Variants in SLC26A4 observed in about 807,000 individuals in gnomAD.
SLC26A4 encodes the protein pendrin.
SLC26A4 carries 93 observed loss-of-function variants against 90.4 expected under a neutral mutation model. The observed-to-expected ratio is 1.03, with a 90% CI of 0.87 to 1.22. The LOEUF (loss-of-function observed/expected upper bound fraction) is 1.22, where lower values mean the gene tolerates loss of function less well. SLC26A4 is among the 50% of genes most tolerant of loss of function. The pLI is 0.00. For synonymous variants in SLC26A4, 393 were observed against 354.6 expected (o/e 1.11, Z -1.22); for missense variants, 1,127 against 946.2 (o/e 1.19, Z -2.51).
At chr7:107,670,909 T>C (rs1790848233) in intron 3 of SLC26A4, among the ~76,000 whole-genome samples, 1 of 152,148 alleles carries the variant, frequency 6.6e-6, no homozygotes, top group African/African-American at 2.4e-5. Flanking sequence ...TAGCCAGGCA[T>C]TAATGGGTCT....
Position 107,703,177 on chromosome 7 carries a change from T to C in SLC26A4, c.2034+1120T>C, listed in dbSNP as rs575038076. On this transcript the variant is annotated intron_variant, in intron 17 of 20. Coordinates refer to ENST00000644269, the MANE Select transcript of SLC26A4 (RefSeq NM_000441.2). ...CATTAAGTCATCTTATAAATAACAA[T>C]TGTAGTAAGTGCTCCAAAGAAGATG... Among the ~76,000 whole-genome samples the C allele has an allele frequency of 2.0e-5, 3 of 152,298 alleles. No homozygotes were observed. In the South Asian group the frequency reaches 6.2e-4, roughly 32 times the overall value.
chr7:107,689,125 G>A lies in SLC26A4; in HGVS notation c.1074G>A (p.Val358=). The A allele has an allele frequency of 6.2e-7, 1 of 1,613,820 alleles. No individual in the cohort carries two copies. Among genetic ancestry groups the A allele is most frequent in the Non-Finnish European group, 8.5e-7 (1 of 1,179,800 alleles). The change falls in exon 9 of 21, where the codon GTG becomes GTA. Residue 358 remains valine, a synonymous_variant. Transcript: ENST00000644269. ...TGGCTGCATCATTTTCCATCGCTGT[G>A]GTGGCTTATGCTATTGCAGTGTCAG... is the stretch of plus-strand genomic sequence containing the variant. ...EMLAASFSIA[V]VAYAIAVSVG...
intron 18 of SLC26A4, among the ~76,000 whole-genome samples, chr7:107,707,863 A>G (rs1419768162): frequency 3.3e-5 from 5 of 152,212 alleles, no homozygotes; most frequent in African/African-American, 1.2e-4. Flanking sequence ...AAGGTCAAAA[A>G]GACTTAATTT....
chr7:107,701,708 A>G, intron 16 of SLC26A4, 119 bp from the exon 17 acceptor site: 1 of 738,924 alleles, frequency 1.4e-6, no homozygotes, highest in East Asian at 2.7e-5. Flanking sequence ...TTAAAAATTC[A>G]TCTCCTTGAT....
chr7:107,661,072 G>T lies in SLC26A4; in HGVS notation c.-4+217G>T, dbSNP rs1790530083. The T allele has an allele frequency of 6.5e-6, 1 of 153,984 alleles. No individual in the cohort carries two copies. Among genetic ancestry groups the T allele is most frequent in the Non-Finnish European group, 1.4e-5 (1 of 69,360 alleles). The allele number at this position is 153,984 out of a possible 1,614,324, so 9.5% of individuals were successfully genotyped here. ...AGCTGAAAGTTCTGCCCCCGAGAGG[G>T]CTGCGACAGCTGCTGGAATGTGCCT... On this transcript the variant is annotated intron_variant, in intron 1 of 20. Coordinates refer to ENST00000644269, the MANE Select transcript of SLC26A4 (RefSeq NM_000441.2). This position sits in a 1 kb window ranked among gnomAD's most constrained non-coding sequence, Gnocchi z 5.1.
rs764835161 is a variant in SLC26A4 at position 107,683,258 on chromosome 7, T to C, written c.822T>C (p.Ala274=). 5 of 1,613,182 alleles carry C rather than the reference T, an allele frequency of 3.1e-6. No homozygotes were observed. Among genetic ancestry groups the C allele is most frequent in the Non-Finnish European group, 4.2e-6 (5 of 1,179,620 alleles). Residue 274 remains alanine (A), a synonymous_variant, in exon 7 of 21, where the codon GCT becomes GCC. Coordinates refer to ENST00000644269, the MANE Select transcript of SLC26A4 (RefSeq NM_000441.2). ...ATACCAATCTTGCTGATTTCACTGCTGGATTGCTCACCATTGTCGTCTGTA... is the reference window on the plus strand; with the variant it reads ...ATACCAATCTTGCTGATTTCACTGCCGGATTGCTCACCATTGTCGTCTGTA... The part of the protein sequence containing the change: ...IGDTNLADFT[A]GLLTIVVCMA...
chr7:107,668,232 T>C (rs1006042483), intron 3 of SLC26A4, among the ~76,000 whole-genome samples: 3 of 149,940 alleles, frequency 2.0e-5, no homozygotes, highest in Non-Finnish European at 4.4e-5. Flanking sequence ...AAAGAGAGAG[T>C]GAAAAAAGGG....
At chr7:107,680,272 TATATA>T (rs1791185107) in intron 6 of SLC26A4, among the ~76,000 whole-genome samples, 3 of 106,664 alleles carry the variant, frequency 2.8e-5, no homozygotes, top group Admixed American at 1.1e-4. Flanking sequence ...CTTATCTTAT[TATATA>T]ATATAATCTT....
intron 18 of SLC26A4, among the ~76,000 whole-genome samples, chr7:107,705,557 T>C (rs1562841452): frequency 6.6e-6 from 1 of 152,162 alleles, no homozygotes; most frequent in Non-Finnish European, 1.5e-5. Context: ...ACCTGATGTA[T>C]TTATATATGT....
chr7:107,683,583 T>C, intron 8 of SLC26A4, 46 bp downstream of exon 8: 1 of 1,446,510 alleles, frequency 6.9e-7, no homozygotes, highest in East Asian at 2.3e-5. Flanking sequence ...AGTCAGTAAG[T>C]CAGTCTTTTT....
chr7:107,714,568 C>T (rs539212141), intron 20 of SLC26A4, among the ~76,000 whole-genome samples: 1 of 152,208 alleles, frequency 6.6e-6, no homozygotes, highest in East Asian at 1.9e-4. Context: ...AGTAAAAACT[C>T]ATATGTCAAC....
chr7:107,708,003 TG>T (rs1792076217), intron 18 of SLC26A4, among the ~76,000 whole-genome samples: 1 of 152,176 alleles, frequency 6.6e-6, no homozygotes, highest in Non-Finnish European at 1.5e-5. Flanking sequence ...AGAGTTATAT[TG>T]ATGAAACATG....
At chr7:107,665,391 T>C (rs1790679074) in intron 3 of SLC26A4, among the ~76,000 whole-genome samples, 1 of 152,060 alleles carries the variant, frequency 6.6e-6, no homozygotes, top group Non-Finnish European at 1.5e-5. Context: ...GGAGAGAGAC[T>C]AGGATGGGCT....
At position 107,689,160 on chromosome 7, in the gene SLC26A4, T is replaced by C. The variant is rs775860398; in HGVS notation, c.1109T>C (p.Val370Ala). Residue 370 changes from valine (V) to alanine (A), a missense_variant, in exon 9 of 21, where the codon GTA (valine) becomes GCA (alanine). Val to Ala is a moderately conservative substitution (Grantham distance 64, BLOSUM62 0). Transcript: ENST00000644269. ...GCTATTGCAGTGTCAGTAGGAAAAG[T>C]ATATGCCACCAAGTATGATTACACC... ...AYAIAVSVGK[V>A]YATKYDYTID... is the part of the protein sequence containing the mutation. 6.2e-7 allele frequency: 1 copy of C among 1,613,790 alleles called. No homozygotes were observed. Among genetic ancestry groups the C allele is most frequent in the African/African-American group, 1.3e-5 (1 of 74,902 alleles).
intron 3 of SLC26A4, among the ~76,000 whole-genome samples, chr7:107,669,251 C>A (rs1382083599): frequency 6.6e-6 from 1 of 152,206 alleles, no homozygotes; most frequent in Admixed American, 6.5e-5. Context: ...GCCATCACAC[C>A]TAGCCCCAGA....
intron 10 of SLC26A4, among the ~76,000 whole-genome samples, chr7:107,691,108 T>C (rs866028329): frequency 2.8e-5 from 4 of 141,514 alleles, no homozygotes; most frequent in Non-Finnish European, 3.1e-5. Flanking sequence ...CATAGTGCAA[T>C]ACACACACAC....
In SLC26A4 at chr7:107,661,585, C is replaced by G; in HGVS notation, c.-3-54C>G. On this transcript the variant is annotated intron_variant, in intron 1 of 20. Coordinates refer to ENST00000644269, the MANE Select transcript of SLC26A4 (RefSeq NM_000441.2). The surrounding 1 kb of genome is among the most constrained non-coding windows in gnomAD (Gnocchi z 5.1). ...CTTTCTGTTCCTCGCTCTTCCCCTC[C>G]GATCGTCCTCGCTTACCGCGTGTCC... The G allele has an allele frequency of 6.6e-7, 1 of 1,522,280 alleles. No homozygotes were observed. 94.3% of individuals were successfully genotyped at this position (1,522,280 alleles called of 1,614,324 possible). A position where few individuals can be genotyped will look rare whatever the true frequency, so the allele number is the denominator to read the frequency against.
Position 107,689,218 on chromosome 7 carries a change from C to T in SLC26A4, c.1149+18C>T. On this transcript the variant is annotated intron_variant, in intron 9 of 20. Coordinates refer to ENST00000644269, the MANE Select transcript of SLC26A4 (RefSeq NM_000441.2). ...GGAACCAGGTATGGGTGCCCTTTTG[C>T]TGAACTGGTTTTATAGGGCTGGAAA... 6.2e-7 allele frequency: 1 copy of T among 1,612,814 alleles called. No homozygotes were observed. The highest frequency in any genetic ancestry group is 8.5e-7 in the Non-Finnish European group (1 of 1,179,164).
At chr7:107,664,047 TAA>T (rs913870792) in intron 3 of SLC26A4, among the ~76,000 whole-genome samples, 1 of 145,656 alleles carries the variant, frequency 6.9e-6, no homozygotes, top group African/African-American at 2.5e-5. Context: ...AGTCAAGATT[TAA>T]AAAAAAAAAA....
Sources: allele counts gnomAD v4.1 joint callset (sites outside exome capture counted in the v4.1 genomes callset), GRCh38; gene constraint gnomAD v4.1.1; non-coding constraint Gnocchi (gnomAD v3.1); transcripts MANE v1.5; gene names NCBI Gene and HGNC (gene_info 2026-07-23, HGNC 2026-07-21).